Variants in SHQ1 observed in about 807,000 individuals in gnomAD.
SHQ1 encodes the protein SHQ1, H/ACA ribonucleoprotein assembly factor.
SHQ1 carries 49 observed loss-of-function variants against 53.8 expected under a neutral mutation model. The observed-to-expected ratio is 0.91, with a 90% confidence interval of 0.72 to 1.16. The LOEUF (loss-of-function observed/expected upper bound fraction) is 1.16, where lower values mean the gene tolerates loss of function less well. Ranked by LOEUF, SHQ1 falls within the 50% of genes most tolerant of loss-of-function variation. The probability of loss-of-function intolerance (pLI) is 0.00; values close to 1 mark genes in which losing one functional copy is unlikely to be tolerated. For missense variants in SHQ1, 738 were observed against 683.1 expected (o/e 1.08, Z -0.90); for synonymous variants, 243 against 251.0 (o/e 0.97, Z 0.30).
At chr3:72,807,774 CTT>C (rs968042712) in intron 9 of SHQ1, among the ~76,000 whole-genome samples, 1 of 152,156 alleles carries the variant, frequency 6.6e-6, no homozygotes, top group African/African-American at 2.4e-5. Flanking sequence ...TACCATAGCT[CTT>C]CTTTCCTTTC....
chr3:72,834,116 T>C (rs1707921036), intron 4 of SHQ1, among the ~76,000 whole-genome samples: 1 of 152,252 alleles, frequency 6.6e-6, no homozygotes, highest in African/African-American at 2.4e-5. Context: ...AAAATTTCCA[T>C]ATAATAATTT....
At chr3:72,769,069 A>G (rs1018777551) in intron 10 of SHQ1, among the ~76,000 whole-genome samples, 18 of 152,210 alleles carry the variant, frequency 1.2e-4, no homozygotes, top group Non-Finnish European at 4.4e-5. Flanking sequence ...CAAGTAACAG[A>G]GCCCTTATAC....
At chr3:72,830,828 G>A (rs1050490670) in intron 5 of SHQ1, among the ~76,000 whole-genome samples, 3 of 152,152 alleles carry the variant, frequency 2.0e-5, no homozygotes, top group Admixed American at 2.0e-4. Context: ...CACAGAAGAT[G>A]GAGAAAAATA....
At chr3:72,843,064 G>A (rs534181048) in intron 2 of SHQ1, among the ~76,000 whole-genome samples, 52 of 148,944 alleles carry the variant, frequency 3.5e-4, no homozygotes, top group Non-Finnish European at 6.8e-4. Flanking sequence ...GCAACAGAGC[G>A]AGATTCTGTC....
intron 4 of SHQ1, among the ~76,000 whole-genome samples, chr3:72,832,774 T>C (rs181839646): frequency 2.6e-5 from 4 of 152,274 alleles, no homozygotes; most frequent in Admixed American, 2.6e-4. Context: ...AATAAACCCC[T>C]ACAAGCAAGC....
At chr3:72,734,641 T>C in the SHQ1 span, among the ~76,000 whole-genome samples, 1 of 151,630 alleles carries the variant, frequency 6.6e-6, no homozygotes, top group African/African-American at 2.4e-5. Flanking sequence ...AATGGTACAT[T>C]GCATCTAGCA....
the SHQ1 span, among the ~76,000 whole-genome samples, chr3:72,732,154 T>A: frequency 9.9e-5 from 15 of 151,602 alleles, no homozygotes; most frequent in African/African-American, 3.6e-4. Flanking sequence ...CACTGCATCA[T>A]CTCTCCAATT....
chr3:72,823,626 G>A (rs567930436), intron 6 of SHQ1, among the ~76,000 whole-genome samples: 1 of 152,216 alleles, frequency 6.6e-6, no homozygotes, highest in African/African-American at 2.4e-5. Context: ...TGGAAGATGT[G>A]CAACACACAC....
At chr3:72,727,798 G>A in the SHQ1 span, among the ~76,000 whole-genome samples, 1 of 152,156 alleles carries the variant, frequency 6.6e-6, no homozygotes, top group African/African-American at 2.4e-5. Flanking sequence ...TGTGGGTAGT[G>A]GGATGGGTGC....
At chr3:72,792,780 A>G (rs1706478480) in intron 10 of SHQ1, 136 bp downstream of exon 10, 2 of 669,372 alleles carry the variant, frequency 3.0e-6, no homozygotes, top group Non-Finnish European at 4.6e-6. Context: ...GCAAACCTCC[A>G]TCTCAAAAAA....
chr3:72,782,379 A>G (rs1706096433), intron 10 of SHQ1, among the ~76,000 whole-genome samples: 2 of 152,242 alleles, frequency 1.3e-5, no homozygotes, highest in Non-Finnish European at 2.9e-5. Flanking sequence ...CAATGAAAAA[A>G]ACTGTAAAAT....
chr3:72,798,281 C>G (rs1706687537), intron 9 of SHQ1, among the ~76,000 whole-genome samples: 1 of 152,178 alleles, frequency 6.6e-6, no homozygotes, highest in Admixed American at 6.5e-5. Context: ...ACGTTAAATC[C>G]CAAGAGTTAG....
the SHQ1 span, among the ~76,000 whole-genome samples, chr3:72,739,608 G>T: frequency 6.6e-6 from 1 of 152,178 alleles, no homozygotes; most frequent in Non-Finnish European, 1.5e-5. Flanking sequence ...GGCCCCACAG[G>T]CACTTGTGGA....
intron 4 of SHQ1, among the ~76,000 whole-genome samples, chr3:72,838,233 T>C (rs927655917): frequency 1.3e-5 from 2 of 152,238 alleles, no homozygotes; most frequent in Admixed American, 1.3e-4. Context: ...ATTTTAACTT[T>C]TAGTTTTCAG....
chr3:72,818,700 G>A (rs1457316540), intron 6 of SHQ1, among the ~76,000 whole-genome samples: 4 of 152,150 alleles, frequency 2.6e-5, no homozygotes, highest in African/African-American at 7.2e-5. Flanking sequence ...CAAGGCAATG[G>A]GACAGTCATT....
intron 10 of SHQ1, among the ~76,000 whole-genome samples, chr3:72,755,039 G>C (rs1449409914): frequency 6.6e-6 from 1 of 152,032 alleles, no homozygotes; most frequent in African/African-American, 2.4e-5. Context: ...CTAGAATCCT[G>C]GCTCTTCTCA....
chr3:72,733,855 A>G, the SHQ1 span, among the ~76,000 whole-genome samples: 2 of 151,698 alleles, frequency 1.3e-5, no homozygotes, highest in East Asian at 3.9e-4. Context: ...CACTTAGGCA[A>G]GGGACTCAGT....
intron 10 of SHQ1, among the ~76,000 whole-genome samples, chr3:72,768,466 C>T (rs1705779143): frequency 6.6e-6 from 1 of 152,218 alleles, no homozygotes; most frequent in South Asian, 2.1e-4. Flanking sequence ...GATCATATCC[C>T]TAGTCGAAAG....
rs150145479 is a variant in SHQ1, at chr3:72,790,531, G to A, written c.1181+2385C>T. ...AGATTTCACTGATAAACTATATGTAGAAGAAATAAACCAGAAGGTAAAAGT... is the reference window on the plus strand; with the variant it reads ...AGATTTCACTGATAAACTATATGTAAAAGAAATAAACCAGAAGGTAAAAGT... On this transcript the variant is annotated intron_variant, in intron 10 of 10. Transcript: ENST00000325599. Among the ~76,000 whole-genome samples, 1,197 of 152,112 alleles carry A rather than the reference G, an allele frequency of 7.9e-3. 9 individuals carry two copies. Among genetic ancestry groups the A allele is most frequent in the Non-Finnish European group, 0.014 (923 of 67,970 alleles).
Sources: allele counts gnomAD v4.1 joint callset (sites outside exome capture counted in the v4.1 genomes callset), GRCh38; gene constraint gnomAD v4.1.1; transcripts MANE v1.5; gene names NCBI Gene and HGNC (gene_info 2026-07-23, HGNC 2026-07-21).